PTPRO: variants seen among roughly 807,000 people sequenced by gnomAD.
PTPRO encodes protein tyrosine phosphatase receptor type O.
PTPRO carries 62 observed loss-of-function variants against 145.2 expected under a neutral mutation model. The observed-to-expected ratio is 0.43, with a 90% CI of 0.35 to 0.53. PTPRO has a LOEUF of 0.53. Among genes scored for constraint, PTPRO ranks in the 20% least tolerant of loss-of-function variants. PTPRO has a pLI of 0.01. For synonymous variants in PTPRO, 565 were observed against 514.7 expected (o/e 1.10, Z -1.32); for missense variants, 1,345 against 1,482.7 (o/e 0.91, Z 1.53).
intron 1 of PTPRO, among the ~76,000 whole-genome samples, chr12:15,477,301 T>TAA (rs1260901594): frequency 2.4e-5 from 3 of 125,960 alleles, no homozygotes; most frequent in African/African-American, 9.3e-5. Flanking sequence ...AATTGAACAA[T>TAA]GAGATCACAT....
At chr12:15,383,564 A>G (rs547953558) in intron 1 of PTPRO, among the ~76,000 whole-genome samples, 1 of 152,334 alleles carries the variant, frequency 6.6e-6, no homozygotes, top group East Asian at 1.9e-4. Context: ...CAGCCTCGGG[A>G]CATCTTGAGA....
chr12:15,556,783 C>G (rs975431769), intron 15 of PTPRO, among the ~76,000 whole-genome samples: 3 of 152,092 alleles, frequency 2.0e-5, no homozygotes, highest in African/African-American at 7.2e-5. Flanking sequence ...CTCAGTTCAT[C>G]TAGGAGAGTT....
At chr12:15,466,830 C>T (rs142062496) in intron 1 of PTPRO, among the ~76,000 whole-genome samples, 14 of 152,216 alleles carry the variant, frequency 9.2e-5, no homozygotes, top group African/African-American at 2.2e-4. Flanking sequence ...GTAATAAAAA[C>T]GACTGATCTT....
At position 15,516,827 on chromosome 12, in the gene PTPRO, G is replaced by A; in HGVS notation, c.1650G>A (p.Trp550Ter). 1.2e-6 allele frequency: 2 copies of A among 1,612,462 alleles called. No homozygotes were observed. The highest frequency in any genetic ancestry group is 1.7e-6 in the Non-Finnish European group (2 of 1,178,474). ...GTCCTACGGCCGTGGTTCTGAGCTGGACCAGACCTTATTTAGGCGTGTTCA... is the reference window on the plus strand; with the variant it reads ...GTCCTACGGCCGTGGTTCTGAGCTGAACCAGACCTTATTTAGGCGTGTTCA... ...PLGPTAVVLS[W>*]TRPYLGVFRK... Residue 550 changes from tryptophan to a stop codon, truncating the protein, a stop_gained, in exon 9 of 27, where the codon TGG becomes TGA. Coordinates refer to ENST00000281171, the MANE Select transcript of PTPRO (RefSeq NM_030667.3). LOFTEE classifies it high-confidence loss of function.
At chr12:15,490,719 G>A (rs1415782437) in intron 2 of PTPRO, among the ~76,000 whole-genome samples, 1 of 152,144 alleles carries the variant, frequency 6.6e-6, no homozygotes, top group East Asian at 1.9e-4. Context: ...AAAGCATGCA[G>A]TATAGGATCA....
intron 4 of PTPRO, 26 bp downstream of exon 4, chr12:15,499,620 A>C: frequency 6.2e-7 from 1 of 1,602,326 alleles, no homozygotes; most frequent in Middle Eastern, 1.7e-4. Context: ...AATCAAATAC[A>C]GTGAAAAAAT....
intron 1 of PTPRO, among the ~76,000 whole-genome samples, chr12:15,478,847 A>AT (rs1379409966): frequency 6.6e-6 from 1 of 151,578 alleles, no homozygotes; most frequent in African/African-American, 2.4e-5. Context: ...AATTTTTTGT[A>AT]TTTTTAGTAG....
intron 12 of PTPRO, 125 bp downstream of exon 12, chr12:15,526,387 A>T (rs1942838990): frequency 1.5e-6 from 2 of 1,309,232 alleles, no homozygotes; most frequent in East Asian, 4.7e-5. Context: ...TGAGTAGAAA[A>T]TAGACATTTG....
intron 1 of PTPRO, among the ~76,000 whole-genome samples, chr12:15,482,324 T>TA (rs1002817977): frequency 2.0e-4 from 30 of 151,814 alleles, no homozygotes; most frequent in African/African-American, 5.1e-4. Context: ...CTCACAATGC[T>TA]AAAAAAAACT....
chr12:15,402,576 C>G (rs1357660759), intron 1 of PTPRO, among the ~76,000 whole-genome samples: 1 of 152,092 alleles, frequency 6.6e-6, no homozygotes, highest in Non-Finnish European at 1.5e-5. Flanking sequence ...TGGACATACA[C>G]TCAGGAGCCT....
chr12:15,452,225 CA>C (rs1318754238), intron 1 of PTPRO, among the ~76,000 whole-genome samples: 1 of 152,062 alleles, frequency 6.6e-6, no homozygotes. Context: ...CCTTTATGTG[CA>C]TAAATTAGAA....
chr12:15,408,991 C>T (rs1939722211), intron 1 of PTPRO, among the ~76,000 whole-genome samples: 1 of 152,024 alleles, frequency 6.6e-6, no homozygotes, highest in African/African-American at 2.4e-5. Context: ...AGTAGATGCT[C>T]AATAAAAGTT....
At chr12:15,571,072 G>A (rs2135612555) in intron 19 of PTPRO, among the ~76,000 whole-genome samples, 1 of 152,264 alleles carries the variant, frequency 6.6e-6, no homozygotes, top group Non-Finnish European at 1.5e-5. Context: ...TACAATCAAA[G>A]AAAAGGTTGA....
In PTPRO at chr12:15,501,964, G is replaced by A. The variant is rs1391389014; in HGVS notation, c.1006G>A (p.Gly336Ser). The change falls in exon 5 of 27, where the codon GGC becomes AGC. Residue 336 changes from glycine (G) to serine (S), a missense_variant. Physicochemically the swap from Gly to Ser is moderately conservative, Grantham distance 56. This residue lies in a region of PTPRO where 1,130 missense variants were observed against 1,214.7 expected (regional missense o/e 0.93). Coordinates refer to ENST00000281171, the MANE Select transcript of PTPRO (RefSeq NM_030667.3). ...TLSETEKSTS[G>S]SFSFFPVQMI... is the part of the protein sequence containing the mutation. ...CAGTGAGACAGAGAAGTCAACATCA[G>A]GCTCTTTCTCCTTTTTCCCTGTGCA... The A allele has an allele frequency of 6.2e-7, 1 of 1,613,948 alleles. No individual in the cohort carries two copies. The highest frequency in any genetic ancestry group is 1.7e-5 in the Admixed American group (1 of 60,016).
At chr12:15,424,825 A>G (rs80066603) in intron 1 of PTPRO, among the ~76,000 whole-genome samples, 5,186 of 152,160 alleles carry the variant, frequency 0.034, 114 homozygotes, top group African/African-American at 0.053. Context: ...TGACAGGTCA[A>G]CGTGGCCCAA....
intron 10 of PTPRO, among the ~76,000 whole-genome samples, chr12:15,522,401 T>C (rs1942742301): frequency 6.6e-6 from 1 of 152,072 alleles, no homozygotes; most frequent in Non-Finnish European, 1.5e-5. Context: ...TTTGTCCTAA[T>C]GCTCTCCCTC....
At chr12:15,594,819 T>G in intron 25 of PTPRO, 118 bp from the exon 26 acceptor site, 1 of 731,502 alleles carries the variant, frequency 1.4e-6, no homozygotes. Context: ...TGTGTCTCTG[T>G]AAATAATGAA....
intron 1 of PTPRO, among the ~76,000 whole-genome samples, chr12:15,391,727 G>A (rs1565603291): frequency 6.6e-6 from 1 of 152,206 alleles, no homozygotes; most frequent in Non-Finnish European, 1.5e-5. Context: ...GTGAGACAGA[G>A]TAAAGGTTCC....
chr12:15,574,725 A>C (rs1173406296), intron 19 of PTPRO, among the ~76,000 whole-genome samples: 1 of 152,094 alleles, frequency 6.6e-6, no homozygotes, highest in Non-Finnish European at 1.5e-5. Flanking sequence ...TGTTTTTGTC[A>C]CTCACAACTA....
Sources: gnomAD v4.1 joint callset for allele counts (sites outside exome capture counted in the v4.1 genomes callset) on GRCh38, gnomAD v4.1.1 for gene constraint, gnomAD v4.1.1 regional missense constraint, MANE v1.5 for transcripts, NCBI Gene and HGNC (gene_info 2026-07-23, HGNC 2026-07-21) for gene names.